The following STK3 variants were observed in gnomAD, a reference collection of about 807,000 sequenced individuals.
STK3 encodes serine/threonine-protein kinase 3.
In STK3, 41 loss-of-function variants were observed where a neutral mutation model predicts 58.0. That is an observed-to-expected ratio of 0.71 (90% confidence interval 0.55 to 0.92). STK3 has a LOEUF of 0.92. STK3 is among the 40% of genes least tolerant of loss of function. STK3 has a pLI of 0.00. For synonymous variants in STK3, 170 were observed against 191.0 expected (o/e 0.89, Z 0.91); for missense variants, 479 against 602.7 (o/e 0.79, Z 2.15).
At chr8:98,735,474 T>C (rs1304249129) in intron 4 of STK3, among the ~76,000 whole-genome samples, 1 of 152,154 alleles carries the variant, frequency 6.6e-6, no homozygotes, top group Non-Finnish European at 1.5e-5. Context: ...TTGAGCTGTG[T>C]TTGTGAGTCT....
intron 4 of STK3, among the ~76,000 whole-genome samples, chr8:98,730,210 C>T (rs1828076310): frequency 6.6e-6 from 1 of 152,114 alleles, no homozygotes; most frequent in African/African-American, 2.4e-5. Context: ...GAAAACTGGA[C>T]TTTCTCAATT....
intron 8 of STK3, among the ~76,000 whole-genome samples, chr8:98,566,647 T>C (rs1812506328): frequency 6.6e-6 from 1 of 152,170 alleles, no homozygotes; most frequent in South Asian, 2.1e-4. Context: ...TTGCTCTGTG[T>C]CATTATTTGC....
rs187731389 is a variant in STK3 at position 98,894,145 on chromosome 8, C to A, written c.-78-10311G>T. On this transcript the variant is annotated intron_variant, in intron 1 of 1. Transcript: ENST00000519420. ...GTATTTTCTAAGCCTCAGACATGAG[C>A]CCCCACTTTTTTTCCTCTCTCTTCT... 3.6e-3 allele frequency among the ~76,000 whole-genome samples: 547 copies of A among 152,204 alleles called. 2 individuals are homozygous for A. The highest frequency in any genetic ancestry group is 0.013 in the African/African-American group (524 of 41,520).
rs138707297 is a variant in STK3, at chr8:98,692,560, G to C, written c.684+13907C>G. Among the ~76,000 whole-genome samples the C allele has an allele frequency of 7.5e-3, 1,137 of 152,202 alleles. 8 individuals are homozygous for C. The highest frequency in any genetic ancestry group is 0.012 in the Non-Finnish European group (806 of 68,004). ...AGTAGAATACTGGTTGCGAGGGGTT[G>C]GAGCAAGAGGATATGGAGAATTATT... On this transcript the variant is annotated intron_variant, in intron 6 of 10. Coordinates refer to ENST00000419617, the MANE Select transcript of STK3 (RefSeq NM_006281.4).
At chr8:98,833,260 T>C (rs1264037640) in intron 3 of STK3, among the ~76,000 whole-genome samples, 1 of 152,116 alleles carries the variant, frequency 6.6e-6, no homozygotes, top group Non-Finnish European at 1.5e-5. Context: ...GATTTTCTGA[T>C]TGACAATTGG....
At chr8:98,617,092 C>G (rs907496181) in intron 6 of STK3, among the ~76,000 whole-genome samples, 1 of 150,914 alleles carries the variant, frequency 6.6e-6, no homozygotes, top group African/African-American at 2.4e-5. Context: ...TGTAAAAGAA[C>G]AGAAATTATA....
chr8:98,739,322 C>A (rs1828961062), intron 4 of STK3, among the ~76,000 whole-genome samples: 1 of 152,192 alleles, frequency 6.6e-6, no homozygotes, highest in Admixed American at 6.5e-5. Context: ...GACCCTGGAG[C>A]AGCCTAACTG....
chr8:98,633,078 A>T (rs1156849309), intron 6 of STK3, among the ~76,000 whole-genome samples: 1 of 152,188 alleles, frequency 6.6e-6, no homozygotes, highest in Non-Finnish European at 1.5e-5. Context: ...AAGTCATATA[A>T]ACTATAACAG....
intron 3 of STK3, among the ~76,000 whole-genome samples, chr8:98,401,940 A>G (rs1817947832): frequency 6.6e-6 from 1 of 152,172 alleles, no homozygotes; most frequent in Admixed American, 6.5e-5. Context: ...AAATTCAAGG[A>G]ACACCCAGAA....
At chr8:98,823,574 G>A (rs899629341) in intron 1 of STK3, among the ~76,000 whole-genome samples, 1 of 152,280 alleles carries the variant, frequency 6.6e-6, no homozygotes, top group South Asian at 2.1e-4. Context: ...GAAAACATAA[G>A]TTAACAACTA....
chr8:98,385,912 C>T (rs1444556285), intron 1 of STK3, among the ~76,000 whole-genome samples: 3 of 152,136 alleles, frequency 2.0e-5, no homozygotes, highest in Non-Finnish European at 4.4e-5. Flanking sequence ...CCACTTCATG[C>T]TTTCATGGGT....
chr8:98,373,643 C>T (rs1817635902), intron 2 of STK3, among the ~76,000 whole-genome samples: 1 of 152,180 alleles, frequency 6.6e-6, no homozygotes, highest in African/African-American at 2.4e-5. Flanking sequence ...CTTGCCTGAC[C>T]ATGTCGCTTC....
chr8:98,725,686 T>C lies in STK3; in HGVS notation c.352-18375A>G, dbSNP rs555464644. Among the ~76,000 whole-genome samples the C allele has an allele frequency of 5.9e-5, 9 of 152,262 alleles. 1 individual carries two copies. The South Asian group carries it at 1.9e-3, about 32-fold the overall frequency. On this transcript the variant is annotated intron_variant, in intron 4 of 10. Transcript: ENST00000419617. ...CTAATGCTGAAGAATATCCACTATT[T>C]CAACAAACATCATACAATTCTTAAA...
At chr8:98,587,654 G>C (rs1402489044) in intron 7 of STK3, among the ~76,000 whole-genome samples, 3 of 152,002 alleles carry the variant, frequency 2.0e-5, no homozygotes, top group Admixed American at 2.0e-4. Context: ...GGGTATCCTT[G>C]TTGACTTTCT....
chr8:98,347,384 G>A, the STK3 span, among the ~76,000 whole-genome samples: 16 of 151,606 alleles, frequency 1.1e-4, no homozygotes, highest in East Asian at 1.5e-3. Context: ...GCGTGATGGC[G>A]GGCGCCTGTA....
At chr8:98,735,673 A>T (rs551216737) in intron 4 of STK3, among the ~76,000 whole-genome samples, 1 of 152,130 alleles carries the variant, frequency 6.6e-6, no homozygotes, top group Admixed American at 6.6e-5. Flanking sequence ...TTCTAGTACC[A>T]CTACCATTAA....
At chr8:98,837,062 T>A (rs1835772631) in intron 3 of STK3, among the ~76,000 whole-genome samples, 1 of 152,216 alleles carries the variant, frequency 6.6e-6, no homozygotes. Flanking sequence ...ACCTTGTTTT[T>A]AAATAGTTTT....
chr8:98,440,753 C>T (rs1818662013), intron 1 of STK3, among the ~76,000 whole-genome samples: 1 of 152,238 alleles, frequency 6.6e-6, no homozygotes, highest in Non-Finnish European at 1.5e-5. Context: ...CTAACATTCA[C>T]TAGGCACATG....
At chr8:98,520,091 A>G (rs557470814) in intron 10 of STK3, among the ~76,000 whole-genome samples, 3 of 152,298 alleles carry the variant, frequency 2.0e-5, no homozygotes, top group East Asian at 1.9e-4. Context: ...TTAACACTAA[A>G]CAATCTGGAT....
Sources: allele counts gnomAD v4.1 joint callset (sites outside exome capture counted in the v4.1 genomes callset), GRCh38; gene constraint gnomAD v4.1.1; transcripts MANE v1.5; gene names NCBI Gene and HGNC (gene_info 2026-07-23, HGNC 2026-07-21).